Variants in BPIFB4 observed in about 807,000 individuals in gnomAD.
The protein encoded by BPIFB4 is BPI fold-containing family B member 4.
BPIFB4 carries 62 observed loss-of-function variants against 69.2 expected under a neutral mutation model. The ratio of observed to expected loss-of-function variants is 0.90; its 90% CI spans 0.73 to 1.11. BPIFB4 has a LOEUF of 1.11. Among genes scored for constraint, BPIFB4 ranks in the 50% least tolerant of loss-of-function variants. The pLI is 0.00. For missense variants in BPIFB4, 789 were observed against 792.0 expected, an observed-to-expected ratio of 1.00 and a Z score of 0.04; for synonymous variants, 330 against 332.7, an observed-to-expected ratio of 0.99 and a Z score of 0.09.
chr20:33,103,819 G>T (rs1981971755), intron 15 of BPIFB4, among the ~76,000 whole-genome samples: 1 of 152,206 alleles, frequency 6.6e-6, no homozygotes, highest in South Asian at 2.1e-4. Context: ...AGGATAAACT[G>T]CCCAAGGCTT....
At chr20:33,087,750 ACAC>A (rs1981475454) in intron 7 of BPIFB4, among the ~76,000 whole-genome samples, 20 of 148,746 alleles carry the variant, frequency 1.3e-4, no homozygotes, top group Admixed American at 1.1e-3. Context: ...ACACACACAC[ACAC>A]AAGCATGCAT....
rs1176641808 is a variant in BPIFB4, at chr20:33,108,845, C to G, written c.1821+1025C>G. The stretch of plus-strand genomic sequence containing the variant: ...TCAATGCATAAACTGTTTCTTGATT[C>G]TAGATTTAGTTCCTTGGAACAAATT... On this transcript the variant is annotated intron_variant, in intron 17 of 17. Transcript: ENST00000375483. 3.9e-5 allele frequency among the ~76,000 whole-genome samples: 6 copies of G among 152,172 alleles called. No homozygotes were observed. In the South Asian group the frequency reaches 1.2e-3, roughly 31 times the overall value.
chr20:33,097,611 C>T lies in BPIFB4; in HGVS notation c.1399-6C>T. ...CCTGTCCATCTGGCCTGGTGCCTGCCCACAGGTGTTCCAGCAGTACCCCGA... is the reference window on the plus strand; with the variant it reads ...CCTGTCCATCTGGCCTGGTGCCTGCTCACAGGTGTTCCAGCAGTACCCCGA... On this transcript the variant is annotated splice_polypyrimidine_tract_variant and splice_region_variant and intron_variant, in intron 12 of 17. Coordinates refer to ENST00000375483, the MANE Select transcript of BPIFB4 (RefSeq NM_182519.3). 1 of 1,613,202 alleles carries T rather than the reference C, an allele frequency of 6.2e-7. No individual in the cohort carries two copies.
chr20:33,090,560 G>T, intron 9 of BPIFB4, 148 bp from the exon 10 acceptor site: 1 of 1,367,746 alleles, frequency 7.3e-7, no homozygotes, highest in Non-Finnish European at 9.7e-7. Context: ...AGGCAGAGCT[G>T]GGATTCAAAC....
chr20:33,090,834 C>G, intron 10 of BPIFB4, 35 bp downstream of exon 10: 1 of 1,611,776 alleles, frequency 6.2e-7, no homozygotes, highest in South Asian at 1.1e-5. Context: ...AGGGTGGTGG[C>G]CCTCCTCCCA....
At chr20:33,107,127 C>A (rs1397414106) in intron 16 of BPIFB4, among the ~76,000 whole-genome samples, 2 of 151,610 alleles carry the variant, frequency 1.3e-5, no homozygotes, top group Non-Finnish European at 1.5e-5. Context: ...TCATTTGAAC[C>A]CAGGAGGTGG....
chr20:33,107,905 G>T, intron 17 of BPIFB4, 85 bp downstream of exon 17: 1 of 1,201,998 alleles, frequency 8.3e-7, no homozygotes, highest in Non-Finnish European at 1.2e-6. Flanking sequence ...CCAGGAACTT[G>T]GAAGAGGAAG....
intron 12 of BPIFB4, among the ~76,000 whole-genome samples, chr20:33,096,075 G>C (rs570925212): frequency 3.9e-5 from 6 of 152,220 alleles, no homozygotes; most frequent in Admixed American, 1.3e-4. Flanking sequence ...AAGGCTCTAG[G>C]GGGAGAACAA....
intron 6 of BPIFB4, 151 bp from the exon 7 acceptor site, chr20:33,085,870 A>G (rs553668222): frequency 2.2e-6 from 2 of 898,742 alleles, no homozygotes; most frequent in Admixed American, 4.2e-5. Flanking sequence ...GTGTGACTTG[A>G]GGGACCAGGG....
intron 17 of BPIFB4, 24 bp from the exon 18 acceptor site, chr20:33,111,390 G>C: frequency 2.5e-6 from 4 of 1,613,868 alleles, no homozygotes; most frequent in Non-Finnish European, 3.4e-6. Flanking sequence ...ACCCATCACC[G>C]GCTACTCTGT....
intron 7 of BPIFB4, among the ~76,000 whole-genome samples, chr20:33,087,611 A>G (rs1055916024): frequency 1.6e-4 from 24 of 152,066 alleles, no homozygotes; most frequent in Non-Finnish European, 2.8e-4. Context: ...AACCTTTTAC[A>G]TATGTCATTT....
rs761352164 is a variant in BPIFB4, at chr20:33,085,975, G to A, written c.783-46G>A. ...GCCTGGGTAAGGGTGAGCTCCTGGC[G>A]GCTGGGGGTGACTCATGGTCTCCCT... On this transcript the variant is annotated intron_variant, in intron 6 of 17. Transcript: ENST00000375483. The A allele has an allele frequency of 2.7e-5, 42 of 1,577,402 alleles. No individual in the cohort carries two copies. In the Admixed American group the frequency reaches 3.4e-4, roughly 13 times the overall value.
chr20:33,096,116 T>A (rs1202845455), intron 12 of BPIFB4, among the ~76,000 whole-genome samples: 4 of 152,336 alleles, frequency 2.6e-5, no homozygotes, highest in South Asian at 2.1e-4. Context: ...TGCCCTCATG[T>A]GGCTGCAAAT....
At chr20:33,098,011 T>A (rs1416890626) in intron 13 of BPIFB4, among the ~76,000 whole-genome samples, 1 of 152,198 alleles carries the variant, frequency 6.6e-6, no homozygotes, top group Admixed American at 6.5e-5. Flanking sequence ...CTTAACTCTC[T>A]TGCTGGCCTT....
chr20:33,080,218 G>A (rs1397834633), intron 1 of BPIFB4, among the ~76,000 whole-genome samples: 2 of 152,058 alleles, frequency 1.3e-5, no homozygotes, highest in Non-Finnish European at 2.9e-5. Flanking sequence ...CAAGAGAAAT[G>A]GGGACAGAAA....
intron 12 of BPIFB4, among the ~76,000 whole-genome samples, chr20:33,095,704 G>A (rs1981735748): frequency 6.6e-6 from 1 of 152,326 alleles, no homozygotes; most frequent in African/African-American, 2.4e-5. Context: ...GGAAAACGGG[G>A]TAACCATGCT....
chr20:33,081,701 A>AC, intron 3 of BPIFB4, 69 bp downstream of exon 3: 3 of 1,530,446 alleles, frequency 2.0e-6, no homozygotes, highest in Admixed American at 2.0e-5. Flanking sequence ...ACTCTGAAGT[A>AC]CCCAGGAACC....
At position 33,086,152 on chromosome 20, in the gene BPIFB4, A is replaced by G. The variant is rs983862154; in HGVS notation, c.914A>G (p.Lys305Arg). ...ACCCTCCTAGGGGGCATCAAAGTCA[A>G]GCTGCTGCGAGGGTGAGTGCTAGCC... ...CDTLLGGIKV[K>R]LLRGLLPNLV... Residue 305 changes from lysine (K) to arginine (R), a missense_variant, in exon 7 of 18, where the codon AAG becomes AGG. Lys to Arg is a conservative substitution (Grantham distance 26, BLOSUM62 2). Coordinates refer to ENST00000375483, the MANE Select transcript of BPIFB4 (RefSeq NM_182519.3). 6.2e-7 allele frequency: 1 copy of G among 1,605,776 alleles called. No individual in the cohort carries two copies.
At position 33,084,514 on chromosome 20, in the gene BPIFB4, A is replaced by G. The variant is rs571367398; in HGVS notation, c.678-378A>G. On this transcript the variant is annotated intron_variant, in intron 5 of 17. Coordinates refer to ENST00000375483, the MANE Select transcript of BPIFB4 (RefSeq NM_182519.3). ...GAGGTCAAGGGAGGCTTCCTGGAGG[A>G]AGAGGACCTTAAGTTGAAATCTGAA... is the stretch of plus-strand genomic sequence containing the variant. Among the ~76,000 whole-genome samples the G allele has an allele frequency of 3.3e-5, 5 of 152,308 alleles. No individual in the cohort carries two copies. The South Asian group carries it at 1.0e-3, about 32-fold the overall frequency.
Sources: gnomAD v4.1 joint callset for allele counts (sites outside exome capture counted in the v4.1 genomes callset) on GRCh38, gnomAD v4.1.1 for gene constraint, MANE v1.5 for transcripts, NCBI Gene and HGNC (gene_info 2026-07-23, HGNC 2026-07-21) for gene names.